CDH13: variants seen among roughly 807,000 people sequenced by gnomAD.
CDH13 encodes cadherin-13.
Under a neutral mutation model 63.8 loss-of-function variants are expected in CDH13, and 24 were observed. The ratio of observed to expected loss-of-function variants is 0.38; its 90% CI spans 0.27 to 0.53. The LOEUF is 0.53. Ranked by LOEUF, CDH13 falls within the 20% of genes least tolerant of loss-of-function variation. The probability of loss-of-function intolerance (pLI) is 0.85; values close to 1 mark genes in which losing one functional copy is unlikely to be tolerated. For synonymous variants in CDH13, 503 were observed against 355.3 expected, an observed-to-expected ratio of 1.42 and a Z score of -4.67; for missense variants, 1,049 against 903.1, an observed-to-expected ratio of 1.16 and a Z score of -2.07.
chr16:83,078,872 G>A (rs1299059444), intron 3 of CDH13, among the ~76,000 whole-genome samples: 1 of 152,108 alleles, frequency 6.6e-6, no homozygotes, highest in African/African-American at 2.4e-5. Flanking sequence ...TTGGCTCACT[G>A]CAACCTCCGC....
chr16:82,986,472 C>T (rs1270306224), intron 2 of CDH13, among the ~76,000 whole-genome samples: 1 of 152,178 alleles, frequency 6.6e-6, no homozygotes, highest in African/African-American at 2.4e-5. Context: ...TCCTCTGGGT[C>T]AAAAACACTG....
intron 1 of CDH13, among the ~76,000 whole-genome samples, chr16:82,679,525 A>G (rs528497904): frequency 1.4e-4 from 22 of 152,354 alleles, no homozygotes; most frequent in African/African-American, 5.0e-4. Flanking sequence ...AATGGTGGAA[A>G]CCGAGGCAGA....
At chr16:83,522,737 A>G (rs780890066) in intron 7 of CDH13, among the ~76,000 whole-genome samples, 16 of 152,152 alleles carry the variant, frequency 1.1e-4, no homozygotes, top group Non-Finnish European at 1.9e-4. Context: ...CCAGGTGGTG[A>G]CAGGTGGCAT....
intron 10 of CDH13, among the ~76,000 whole-genome samples, chr16:83,680,786 G>A (rs1268069616): frequency 6.6e-6 from 1 of 151,960 alleles, no homozygotes; most frequent in East Asian, 1.9e-4. Context: ...AGTGACTTAT[G>A]CCAAAAGGGG....
intron 1 of CDH13, among the ~76,000 whole-genome samples, chr16:82,634,212 G>C (rs1464417622): frequency 6.6e-6 from 1 of 152,230 alleles, no homozygotes; most frequent in Admixed American, 6.5e-5. Flanking sequence ...GGAGGAGCCT[G>C]GGGAATGGAA....
In CDH13 at chr16:83,052,990, A is replaced by C. The variant is rs544360271; in HGVS notation, c.366+20772A>C. Among the ~76,000 whole-genome samples the C allele has an allele frequency of 2.7e-3, 415 of 151,996 alleles. 2 individuals are homozygous for C. The highest frequency in any genetic ancestry group is 9.6e-3 in the African/African-American group (397 of 41,346). ...ACCGTGAAAGAGGCAATGCAGTGAG[A>C]CCATAAGCCTTGTGGTTTGGGACAC... is the stretch of plus-strand genomic sequence containing the variant. On this transcript the variant is annotated intron_variant, in intron 3 of 13. Transcript: ENST00000567109.
chr16:83,088,649 A>T (rs945316379), intron 3 of CDH13, among the ~76,000 whole-genome samples: 5 of 152,208 alleles, frequency 3.3e-5, no homozygotes, highest in Admixed American at 1.3e-4. Flanking sequence ...TACATTCTTC[A>T]TATAATCAGA....
intron 2 of CDH13, among the ~76,000 whole-genome samples, chr16:82,975,206 G>T (rs1909330021): frequency 6.6e-6 from 1 of 152,242 alleles, no homozygotes; most frequent in Non-Finnish European, 1.5e-5. Context: ...GCTGTGGTTG[G>T]ATGGTCTGGT....
intron 2 of CDH13, among the ~76,000 whole-genome samples, chr16:82,878,814 C>T (rs891684718): frequency 5.3e-5 from 8 of 152,014 alleles, no homozygotes; most frequent in Non-Finnish European, 2.9e-5. Flanking sequence ...TTGTGCCTTT[C>T]TAGGTGTCAC....
At chr16:83,744,320 G>A (rs1219534101) in intron 10 of CDH13, among the ~76,000 whole-genome samples, 1 of 152,222 alleles carries the variant, frequency 6.6e-6, no homozygotes, top group Admixed American at 6.5e-5. Flanking sequence ...CTGGATGAAC[G>A]AGAGGAGACG....
At chr16:83,379,707 C>CAGTT (rs2091521706) in intron 6 of CDH13, among the ~76,000 whole-genome samples, 1 of 151,998 alleles carries the variant, frequency 6.6e-6, no homozygotes, top group Admixed American at 6.6e-5. Context: ...AGGAGACACA[C>CAGTT]AGTTGTTCAT....
At chr16:83,331,507 C>T (rs1240172848) in intron 5 of CDH13, among the ~76,000 whole-genome samples, 1 of 152,152 alleles carries the variant, frequency 6.6e-6, no homozygotes, top group Non-Finnish European at 1.5e-5. Context: ...TTGTAATAAA[C>T]TCTAGTCAGT....
chr16:82,855,526 G>A (rs1388638947), intron 1 of CDH13, among the ~76,000 whole-genome samples: 1 of 152,104 alleles, frequency 6.6e-6, no homozygotes, highest in African/African-American at 2.4e-5. Context: ...ATTAATGTTG[G>A]CCAGTTATAG....
chr16:82,639,394 C>A, intron 1 of CDH13: 1 of 1,535,606 alleles, frequency 6.5e-7, no homozygotes, highest in Non-Finnish European at 8.7e-7. Flanking sequence ...ATGGTTCCCC[C>A]AGCAAGAACA....
intron 4 of CDH13, among the ~76,000 whole-genome samples, chr16:83,132,832 G>C (rs542930944): frequency 6.6e-6 from 1 of 152,142 alleles, no homozygotes; most frequent in African/African-American, 2.4e-5. Flanking sequence ...ATGCCTAAAG[G>C]CTCAGTGCTC....
chr16:82,926,804 T>TATC (rs2042317091), intron 2 of CDH13, among the ~76,000 whole-genome samples: 1 of 152,140 alleles, frequency 6.6e-6, no homozygotes, highest in Admixed American at 6.5e-5. Context: ...CATCCAGGGG[T>TATC]ATCATTGGTC....
chr16:82,986,882 A>G (rs1168699787), intron 2 of CDH13, among the ~76,000 whole-genome samples: 1 of 152,222 alleles, frequency 6.6e-6, no homozygotes, highest in African/African-American at 2.4e-5. Context: ...TGAGTTAGGT[A>G]CTTTCAAGTT....
intron 3 of CDH13, among the ~76,000 whole-genome samples, chr16:83,094,458 G>A (rs2034091881): frequency 6.6e-6 from 1 of 152,148 alleles, no homozygotes; most frequent in African/African-American, 2.4e-5. Flanking sequence ...TTAAGATGAG[G>A]AGAACCCTTC....
At chr16:83,051,554 A>G (rs1402450889) in intron 3 of CDH13, among the ~76,000 whole-genome samples, 1 of 152,238 alleles carries the variant, frequency 6.6e-6, no homozygotes, top group Non-Finnish European at 1.5e-5. Flanking sequence ...GAAACATCAT[A>G]TACTTACAAG....
Sources: allele counts gnomAD v4.1 joint callset (sites outside exome capture counted in the v4.1 genomes callset), GRCh38; gene constraint gnomAD v4.1.1; transcripts MANE v1.5; gene names NCBI Gene and HGNC (gene_info 2026-07-23, HGNC 2026-07-21).